ARHGAP23: variants seen among roughly 807,000 people sequenced by gnomAD.
ARHGAP23 encodes the protein Rho GTPase activating protein 23.
ARHGAP23 carries 34 observed loss-of-function variants against 136.3 expected under a neutral mutation model. That is an observed-to-expected ratio of 0.25 (90% CI 0.19 to 0.33). ARHGAP23 has a LOEUF of 0.33. ARHGAP23 is among the 10% of genes least tolerant of loss of function. The probability of loss-of-function intolerance (pLI) is 1.00; values close to 1 mark genes in which losing one functional copy is unlikely to be tolerated. For synonymous variants in ARHGAP23, 832 were observed against 920.5 expected (o/e 0.90, Z 1.74); for missense variants, 1,808 against 2,139.0 (o/e 0.85, Z 3.05).
At chr17:38,506,601 T>C (rs941200231) in intron 23 of ARHGAP23, among the ~76,000 whole-genome samples, 1 of 152,198 alleles carries the variant, frequency 6.6e-6, no homozygotes, top group Non-Finnish European at 1.5e-5. Flanking sequence ...AGATGGTAGA[T>C]GGCCACCTTC....
At chr17:38,454,862 G>T (rs992039167) in intron 1 of ARHGAP23, among the ~76,000 whole-genome samples, 3 of 152,220 alleles carry the variant, frequency 2.0e-5, no homozygotes, top group South Asian at 2.1e-4. Flanking sequence ...CTAATTTGTG[G>T]CCTAAGGCCG....
intron 1 of ARHGAP23, among the ~76,000 whole-genome samples, chr17:38,421,476 T>G (rs535990562): frequency 3.9e-4 from 60 of 152,148 alleles, no homozygotes; most frequent in Non-Finnish European, 7.8e-4. Flanking sequence ...GCGTCTGAAA[T>G]CAGAGCTTCT....
chr17:38,447,463 A>AAAAAAAAAG (rs1289534879), intron 1 of ARHGAP23, among the ~76,000 whole-genome samples: 1 of 150,656 alleles, frequency 6.6e-6, no homozygotes, highest in Non-Finnish European at 1.5e-5. Flanking sequence ...AAAAAAAAAA[A>AAAAAAAAAG]AAGAAATAAT....
chr17:38,459,018 C>T (rs562701279), intron 2 of ARHGAP23, among the ~76,000 whole-genome samples: 79 of 152,288 alleles, frequency 5.2e-4, no homozygotes, highest in East Asian at 1.7e-3. Flanking sequence ...TCCCTGACAG[C>T]GAAGCAGAAG....
intron 16 of ARHGAP23, among the ~76,000 whole-genome samples, chr17:38,484,663 G>A (rs1293482432): frequency 9.2e-5 from 14 of 152,172 alleles, no homozygotes; most frequent in Non-Finnish European, 1.9e-4. Context: ...AGGAGGTAAC[G>A]GAGTCGGGTG....
chr17:38,478,592 G>A (rs1324944164), intron 12 of ARHGAP23, among the ~76,000 whole-genome samples: 1 of 151,852 alleles, frequency 6.6e-6, no homozygotes, highest in African/African-American at 2.4e-5. Context: ...TTTTTTTTTA[G>A]TAGAGATGGG....
rs570478802 is a variant in ARHGAP23, at chr17:38,475,000, A to G, written c.2119-2579A>G. 3.3e-4 allele frequency among the ~76,000 whole-genome samples: 51 copies of G among 152,320 alleles called. 2 individuals carry two copies. The East Asian group carries it at 9.9e-3, about 29-fold the overall frequency. ...GGGGCCCTGAGCCCAGTTCAGGGAC[A>G]GGAGCTGTCCCCTTCCTGCTCACTG... On this transcript the variant is annotated intron_variant, in intron 11 of 23. Transcript: ENST00000622683.
chr17:38,425,219 A>G (rs1044463723), upstream of ARHGAP23, among the ~76,000 whole-genome samples: 13 of 152,050 alleles, frequency 8.5e-5, no homozygotes, highest in African/African-American at 3.1e-4. Context: ...CTTCCTGCCC[A>G]TAGGCACCCT....
At chr17:38,446,609 A>ATTT (rs59571187) in intron 1 of ARHGAP23, among the ~76,000 whole-genome samples, 2 of 131,636 alleles carry the variant, frequency 1.5e-5, no homozygotes, top group African/African-American at 2.8e-5. Flanking sequence ...TCTGTGTTTA[A>ATTT]TTTTTTTTTT....
chr17:38,483,327 A>G (rs543123986), intron 16 of ARHGAP23, among the ~76,000 whole-genome samples: 1 of 152,378 alleles, frequency 6.6e-6, no homozygotes, highest in Non-Finnish European at 1.5e-5. Flanking sequence ...TGGAAAGAGA[A>G]GTGGCTGATC....
chr17:38,433,208 A>T (rs944004041), intron 1 of ARHGAP23, among the ~76,000 whole-genome samples: 1 of 152,000 alleles, frequency 6.6e-6, no homozygotes, highest in Admixed American at 6.5e-5. Context: ...TGATCCTCCC[A>T]CTTTGGCCTC....
rs1373709032 is a variant in ARHGAP23, at chr17:38,469,705, C to G, written c.1916+70C>G. On this transcript the variant is annotated intron_variant, in intron 9 of 23. Coordinates refer to ENST00000622683, the MANE Select transcript of ARHGAP23 (RefSeq NM_001199417.2). ...TGGCCAGCTGCTCTGGGGCAGGGCT[C>G]TTGGCCCTGGGGGTCCTCTATGCAT... 10 of 1,517,196 alleles carry G rather than the reference C, an allele frequency of 6.6e-6. No individual in the cohort carries two copies. The South Asian group carries it at 9.8e-5, about 15-fold the overall frequency. The allele number at this position is 1,517,196 out of a possible 1,614,324, so 94.0% of individuals were successfully genotyped here. A position where few individuals can be genotyped will look rare whatever the true frequency, so the allele number is the denominator to read the frequency against.
At chr17:38,492,178 T>C (rs2144758749) in intron 20 of ARHGAP23, among the ~76,000 whole-genome samples, 1 of 152,160 alleles carries the variant, frequency 6.6e-6, no homozygotes, top group East Asian at 1.9e-4. Context: ...GAACCCAGAG[T>C]GGCCAGCAGA....
intron 1 of ARHGAP23, among the ~76,000 whole-genome samples, chr17:38,453,418 CGT>C (rs1468704405): frequency 4.0e-5 from 4 of 100,864 alleles, no homozygotes; most frequent in Non-Finnish European, 6.1e-5. Context: ...CGCGCGTATG[CGT>C]GCGTGTGTGT....
chr17:38,428,468 A>G lies in ARHGAP23; in HGVS notation c.-18A>G. On this transcript the variant is annotated 5_prime_UTR_variant, in exon 1 of 24. Transcript: ENST00000622683. ...GCCCCCAGCCGTGCCCCGGCCGCAG[A>G]GCCGCCGCTGCCACCCGATGAATGG... is the stretch of plus-strand genomic sequence containing the variant. 1 of 1,429,738 alleles carries G rather than the reference A, an allele frequency of 7.0e-7. No individual in the cohort carries two copies. The highest frequency in any genetic ancestry group is 9.2e-7 in the Non-Finnish European group (1 of 1,091,420). 88.6% of individuals were successfully genotyped at this position (1,429,738 alleles called of 1,614,324 possible).
intron 1 of ARHGAP23, chr17:38,453,813 G>A (rs1166265573): frequency 2.1e-5 from 3 of 144,440 alleles, no homozygotes; most frequent in South Asian, 4.2e-4. Context: ...GGCGGGCGGG[G>A]ACCCCCGGGG....
Position 38,482,148 on chromosome 17 carries a change from G to A in ARHGAP23, c.2751+5G>A, listed in dbSNP as rs1243410043. The A allele has an allele frequency of 4.5e-6, 7 of 1,547,938 alleles. No individual in the cohort carries two copies. Among genetic ancestry groups the A allele is most frequent in the Non-Finnish European group, 6.1e-6 (7 of 1,146,172 alleles). On this transcript the variant is annotated splice_donor_5th_base_variant and intron_variant, in intron 15 of 23. Transcript: ENST00000622683. ...CAGCCAGCCACGGAGAACCAGGTGAGTCTCTGCCACACGCCAGAGCAGGCC... is the reference window on the plus strand; with the variant it reads ...CAGCCAGCCACGGAGAACCAGGTGAATCTCTGCCACACGCCAGAGCAGGCC...
intron 1 of ARHGAP23, among the ~76,000 whole-genome samples, chr17:38,448,918 G>T (rs529832742): frequency 2.3e-4 from 34 of 148,606 alleles, no homozygotes; most frequent in African/African-American, 8.1e-4. Flanking sequence ...CCTGGGTTCA[G>T]GTGATCCTCC....
In ARHGAP23 at chr17:38,510,802, G is replaced by A. The variant is rs1315017553; in HGVS notation, c.4306G>A (p.Ala1436Thr). 3.3e-6 allele frequency: 5 copies of A among 1,502,526 alleles called. No homozygotes were observed. The highest frequency in any genetic ancestry group is 4.4e-6 in the Non-Finnish European group (5 of 1,128,866). The allele number at this position is 1,502,526 out of a possible 1,614,324, so 93.1% of individuals were successfully genotyped here. A position where few individuals can be genotyped will look rare whatever the true frequency, so the allele number is the denominator to read the frequency against. The change falls in exon 24 of 24, where the codon GCG (alanine) becomes ACG (threonine). Residue 1436 changes from alanine (A) to threonine (T), a missense_variant. Physicochemically the swap from Ala to Thr is moderately conservative, Grantham distance 58. Coordinates refer to ENST00000622683, the MANE Select transcript of ARHGAP23 (RefSeq NM_001199417.2). The surrounding 1 kb of genome is among the most constrained non-coding windows in gnomAD (Gnocchi z 4.6). ...AGGGGGCCCCCCGGAGCCTGCGGGC[G>A]CGCGGGCGCACAGTGACAACAAGGA... ...GGGGPPEPAG[A>T]RAHSDNKDSG... is the part of the protein sequence containing the mutation.
Sources: allele counts gnomAD v4.1 joint callset (sites outside exome capture counted in the v4.1 genomes callset), GRCh38; gene constraint gnomAD v4.1.1; non-coding constraint Gnocchi (gnomAD v3.1); transcripts MANE v1.5; gene names NCBI Gene and HGNC (gene_info 2026-07-23, HGNC 2026-07-21).